The following FGGY variants were observed in gnomAD, a reference collection of about 807,000 sequenced individuals.
The protein encoded by FGGY is FGGY carbohydrate kinase domain-containing protein.
A neutral mutation model predicts 71.3 loss-of-function variants in FGGY; 72 were observed. That is an observed-to-expected ratio of 1.01 (90% CI 0.84 to 1.23). FGGY has a LOEUF of 1.23. FGGY is among the 50% of genes most tolerant of loss of function. The pLI is 0.00. For missense variants in FGGY, 668 were observed against 682.3 expected, an observed-to-expected ratio of 0.98 and a Z score of 0.23; for synonymous variants, 251 against 250.3, an observed-to-expected ratio of 1.00 and a Z score of -0.02.
rs1316188242 is a variant in FGGY, at chr1:59,640,482, A to C, written c.1221+2107A>C. On this transcript the variant is annotated intron_variant, in intron 11 of 15. Coordinates refer to ENST00000303721, the MANE Select transcript of FGGY (RefSeq NM_018291.5). ...ATATGAGTAAGATGCAACAATACCT[A>C]CCTTCATGGAGTATGTTTAAAGTTG... Among the ~76,000 whole-genome samples the C allele has an allele frequency of 2.0e-5, 3 of 152,296 alleles. No individual in the cohort carries two copies. The East Asian group carries it at 5.8e-4, about 29-fold the overall frequency.
At chr1:59,321,871 G>T (rs2046453384) in intron 2 of FGGY, 121 bp downstream of exon 2, 3 of 958,844 alleles carry the variant, frequency 3.1e-6, no homozygotes, top group Non-Finnish European at 4.7e-6. Flanking sequence ...CAAGACATAG[G>T]CCTTGCCCTT....
chr1:59,328,866 C>T (rs61788324), intron 2 of FGGY, among the ~76,000 whole-genome samples: 32,180 of 151,902 alleles, frequency 0.21, 3,979 homozygotes, highest in East Asian at 0.4. Context: ...TGAGAACACA[C>T]ACCACATTTA....
chr1:59,586,441 G>A (rs1455051779), intron 8 of FGGY, among the ~76,000 whole-genome samples: 4 of 152,110 alleles, frequency 2.6e-5, no homozygotes, highest in African/African-American at 9.7e-5. Context: ...CTCACTCATA[G>A]GTGGGAATTG....
At chr1:59,506,776 G>T (rs57954520) in intron 6 of FGGY, among the ~76,000 whole-genome samples, 2,797 of 151,972 alleles carry the variant, frequency 0.018, 98 homozygotes, top group African/African-American at 0.065. Context: ...TCCATCCTGG[G>T]CAACAGAGCG....
At chr1:59,619,886 G>A (rs2096791612) in intron 9 of FGGY, among the ~76,000 whole-genome samples, 1 of 152,042 alleles carries the variant, frequency 6.6e-6, no homozygotes, top group Non-Finnish European at 1.5e-5. Context: ...AGCTGAGTGA[G>A]GAGGATGATG....
intron 8 of FGGY, among the ~76,000 whole-genome samples, chr1:59,591,835 C>A (rs1347011653): frequency 2.6e-5 from 4 of 152,106 alleles, no homozygotes; most frequent in Non-Finnish European, 1.5e-5. Context: ...CCATAAAAAC[C>A]CTAGAAGAAA....
intron 8 of FGGY, among the ~76,000 whole-genome samples, chr1:59,566,137 G>T (rs1161260137): frequency 6.6e-6 from 1 of 151,968 alleles, no homozygotes; most frequent in Non-Finnish European, 1.5e-5. Flanking sequence ...GCTGCTGAGG[G>T]TTACCTGGCA....
chr1:59,472,377 G>C (rs2092998532), intron 6 of FGGY, among the ~76,000 whole-genome samples: 2 of 152,196 alleles, frequency 1.3e-5, no homozygotes, highest in African/African-American at 2.4e-5. Context: ...CCTGTTCCGT[G>C]GGCTCCTGTG....
chr1:59,729,610 C>G (rs927174762), intron 14 of FGGY, among the ~76,000 whole-genome samples: 1 of 152,206 alleles, frequency 6.6e-6, no homozygotes, highest in African/African-American at 2.4e-5. Flanking sequence ...TCTTTGGCGT[C>G]CCTAAGATCT....
intron 7 of FGGY, among the ~76,000 whole-genome samples, chr1:59,533,328 C>T (rs1387122484): frequency 6.6e-6 from 1 of 152,206 alleles, no homozygotes; most frequent in African/African-American, 2.4e-5. Context: ...GATTATATCC[C>T]GCACCTGGCT....
chr1:59,454,447 A>G (rs1334441095), intron 5 of FGGY, among the ~76,000 whole-genome samples: 1 of 152,212 alleles, frequency 6.6e-6, no homozygotes, highest in Non-Finnish European at 1.5e-5. Context: ...AAAACCGTGA[A>G]TAATTTAGCA....
chr1:59,402,246 T>G (rs1391259523), intron 5 of FGGY, among the ~76,000 whole-genome samples: 2 of 152,114 alleles, frequency 1.3e-5, no homozygotes, highest in Non-Finnish European at 2.9e-5. Flanking sequence ...AGCACGGACA[T>G]GTAGCTTGGG....
At chr1:59,343,491 A>G (rs1221376678) in intron 3 of FGGY, among the ~76,000 whole-genome samples, 4 of 152,190 alleles carry the variant, frequency 2.6e-5, no homozygotes, top group Non-Finnish European at 5.9e-5. Flanking sequence ...TCAGCTAACT[A>G]GAGCCTGCTC....
chr1:59,478,531 A>G (rs1399853430), intron 6 of FGGY, among the ~76,000 whole-genome samples: 2 of 152,246 alleles, frequency 1.3e-5, no homozygotes, highest in African/African-American at 2.4e-5. Flanking sequence ...TAGGTACTCA[A>G]TAGATATTTG....
At chr1:59,656,923 T>TG (rs2097223283) in intron 11 of FGGY, among the ~76,000 whole-genome samples, 1 of 152,180 alleles carries the variant, frequency 6.6e-6, no homozygotes, top group African/African-American at 2.4e-5. Context: ...TCTCAGTTTC[T>TG]GGGGAAAAAA....
intron 14 of FGGY, among the ~76,000 whole-genome samples, chr1:59,721,558 G>A (rs1051556582): frequency 1.1e-4 from 17 of 151,888 alleles, no homozygotes; most frequent in South Asian, 2.1e-4. Context: ...GGCTGGTCTC[G>A]AACTCCTGAC....
intron 1 of FGGY, among the ~76,000 whole-genome samples, chr1:59,307,900 G>C (rs1436625013): frequency 1.3e-5 from 2 of 152,130 alleles, no homozygotes; most frequent in African/African-American, 4.8e-5. Flanking sequence ...TAGATAGTTT[G>C]TTCCTATCAA....
chr1:59,696,359 T>C (rs1262253624), intron 14 of FGGY, among the ~76,000 whole-genome samples: 5 of 152,154 alleles, frequency 3.3e-5, no homozygotes, highest in Non-Finnish European at 7.4e-5. Flanking sequence ...GAAAGAAAAG[T>C]TTTTTTCCCA....
At chr1:59,751,223 ATC>A (rs1194914700) in intron 14 of FGGY, among the ~76,000 whole-genome samples, 1 of 152,174 alleles carries the variant, frequency 6.6e-6, no homozygotes, top group African/African-American at 2.4e-5. Flanking sequence ...GTGATAGATG[ATC>A]TGTGTCCTAA....
Sources: gnomAD v4.1 joint callset for allele counts (sites outside exome capture counted in the v4.1 genomes callset) on GRCh38, gnomAD v4.1.1 for gene constraint, MANE v1.5 for transcripts, NCBI Gene and HGNC (gene_info 2026-07-23, HGNC 2026-07-21) for gene names.